The following HIPK2 variants were observed in gnomAD, a reference collection of about 807,000 sequenced individuals.
HIPK2 encodes homeodomain interacting protein kinase 2.
HIPK2 carries 27 observed loss-of-function variants against 113.7 expected under a neutral mutation model. That is an observed-to-expected ratio of 0.24 (90% CI 0.17 to 0.33). HIPK2 has a LOEUF of 0.33. Among genes scored for constraint, HIPK2 ranks in the 10% least tolerant of loss-of-function variants. The probability of loss-of-function intolerance (pLI) is 1.00; values close to 1 mark genes in which losing one functional copy is unlikely to be tolerated. For missense variants in HIPK2, 1,257 were observed against 1,588.0 expected (o/e 0.79, Z 3.54); for synonymous variants, 631 against 642.2 (o/e 0.98, Z 0.26).
Position 139,561,788 on chromosome 7 carries a change from T to A in HIPK2, c.*11139A>T, listed in dbSNP as rs1797956297. 6.8e-6 allele frequency: 1 copy of A among 148,044 alleles called. No individual in the cohort carries two copies. The highest frequency in any genetic ancestry group is 1.5e-5 in the Non-Finnish European group (1 of 67,246). 9.2% of individuals were successfully genotyped at this position (148,044 alleles called of 1,614,324 possible). On this transcript the variant is annotated 3_prime_UTR_variant, in exon 15 of 15. Coordinates refer to ENST00000406875, the MANE Select transcript of HIPK2 (RefSeq NM_022740.5). ...CTTTTTCTCACCCTACAGTTAGTAA[T>A]ATTACAATTAAAATAACTATATTCT...
chr7:139,638,076 C>G (rs1306457751), intron 2 of HIPK2, among the ~76,000 whole-genome samples: 4 of 152,198 alleles, frequency 2.6e-5, no homozygotes, highest in Non-Finnish European at 1.5e-5. Context: ...GCCCAAACCT[C>G]TTATTTTATG....
intron 1 of HIPK2, among the ~76,000 whole-genome samples, chr7:139,763,517 AT>A (rs1796505378): frequency 8.3e-6 from 1 of 119,762 alleles, no homozygotes; most frequent in Non-Finnish European, 1.6e-5. Flanking sequence ...TCGTGTATGT[AT>A]TGTCTGTGCA....
rs144298937 is a variant in HIPK2, at chr7:139,716,747, G to A, written c.288C>T (p.Thr96=). The A allele has an allele frequency of 6.2e-7, 1 of 1,613,950 alleles. No individual in the cohort carries two copies. The highest frequency in any genetic ancestry group is 8.5e-7 in the Non-Finnish European group (1 of 1,179,890). The change falls in exon 2 of 15, where the codon ACC becomes ACT. Residue 96 remains threonine (T), a synonymous_variant. Coordinates refer to ENST00000406875, the MANE Select transcript of HIPK2 (RefSeq NM_022740.5). This position sits in a 1 kb window ranked among gnomAD's most constrained non-coding sequence, Gnocchi z 9.3. The part of the protein sequence containing the change: ...FPGSTGHIVV[T]SASSTSVTGQ... The stretch of plus-strand genomic sequence containing the variant: ...CGGTGACAGAAGTGCTGCTTGCTGA[G>A]GTGACCACGATGTGCCCGGTGCTTC...
chr7:139,677,470 G>A (rs920480573), intron 2 of HIPK2, among the ~76,000 whole-genome samples: 13 of 152,196 alleles, frequency 8.5e-5, no homozygotes, highest in Admixed American at 3.3e-4. Context: ...TCAAGGTGCC[G>A]GCATTTGGTG....
intron 1 of HIPK2, among the ~76,000 whole-genome samples, chr7:139,744,462 G>A (rs1338645423): frequency 2.0e-5 from 3 of 152,138 alleles, no homozygotes; most frequent in Non-Finnish European, 2.9e-5. Context: ...TTTCCTTTTG[G>A]GATGATGGAA....
At chr7:139,578,506 G>A (rs759712152) in intron 13 of HIPK2, among the ~76,000 whole-genome samples, 1 of 152,184 alleles carries the variant, frequency 6.6e-6, no homozygotes, top group Non-Finnish European at 1.5e-5. Flanking sequence ...GAAAAAGGGA[G>A]CGCATTTTAA....
At chr7:139,627,564 T>C (rs1800477454) in intron 5 of HIPK2, among the ~76,000 whole-genome samples, 1 of 152,204 alleles carries the variant, frequency 6.6e-6, no homozygotes, top group Admixed American at 6.5e-5. Flanking sequence ...TGTTTTGTGG[T>C]GATTTCTGTA....
chr7:139,691,136 T>C (rs567783548), intron 2 of HIPK2, among the ~76,000 whole-genome samples: 1 of 152,298 alleles, frequency 6.6e-6, no homozygotes, highest in South Asian at 2.1e-4. Context: ...AAACCTCTTT[T>C]CTTTGGACAA....
chr7:139,726,811 G>A (rs1389677890), intron 1 of HIPK2, among the ~76,000 whole-genome samples: 1 of 152,128 alleles, frequency 6.6e-6, no homozygotes, highest in Admixed American at 6.6e-5. Context: ...CAAAGACAGA[G>A]GGACACAGCC....
At position 139,566,088 on chromosome 7, in the gene HIPK2, G is replaced by A. The variant is rs979421592; in HGVS notation, c.*6839C>T. 1.3e-5 allele frequency: 2 copies of A among 152,194 alleles called. No individual in the cohort carries two copies. Among genetic ancestry groups the A allele is most frequent in the Non-Finnish European group, 1.5e-5 (1 of 68,032 alleles). 9.4% of individuals were successfully genotyped at this position (152,194 alleles called of 1,614,324 possible). ...TATGAATCAAAAGAAACTCTCCAGA[G>A]ATTTTCTCTAAAAATCAAACGAATT... On this transcript the variant is annotated 3_prime_UTR_variant, in exon 15 of 15. Transcript: ENST00000406875. The surrounding 1 kb of genome is among the most constrained non-coding windows in gnomAD (Gnocchi z 4.1).
chr7:139,588,352 CA>C (rs1569446723), intron 12 of HIPK2, among the ~76,000 whole-genome samples: 1 of 147,042 alleles, frequency 6.8e-6, no homozygotes, highest in South Asian at 2.2e-4. Flanking sequence ...AAAAAAAAAA[CA>C]AAAAAACAAA....
intron 1 of HIPK2, among the ~76,000 whole-genome samples, chr7:139,717,636 G>T (rs189891328): frequency 4.2e-4 from 64 of 152,256 alleles, no homozygotes; most frequent in African/African-American, 1.5e-3. Flanking sequence ...TTACTGGTGG[G>T]GACTGGGTAG....
At chr7:139,695,763 G>A (rs1005116956) in intron 2 of HIPK2, among the ~76,000 whole-genome samples, 9 of 152,002 alleles carry the variant, frequency 5.9e-5, no homozygotes, top group African/African-American at 2.2e-4. Flanking sequence ...GAAAACTATG[G>A]AAGAAGCATG....
At chr7:139,736,025 G>C (rs1450144436) in intron 1 of HIPK2, among the ~76,000 whole-genome samples, 3 of 152,194 alleles carry the variant, frequency 2.0e-5, no homozygotes, top group Non-Finnish European at 4.4e-5. Context: ...CAGCGTGGCA[G>C]GTCTTTGGTG....
intron 9 of HIPK2, among the ~76,000 whole-genome samples, chr7:139,605,854 C>T (rs972860986): frequency 6.6e-5 from 10 of 152,192 alleles, no homozygotes; most frequent in South Asian, 2.1e-4. Flanking sequence ...TCACAGAAAG[C>T]GGAAACATAA....
intron 2 of HIPK2, among the ~76,000 whole-genome samples, chr7:139,712,164 G>A (rs887250772): frequency 2.6e-5 from 4 of 152,168 alleles, no homozygotes; most frequent in East Asian, 1.9e-4. Flanking sequence ...CTTCAGACTC[G>A]AGAAAAAAAC....
At chr7:139,674,309 T>C (rs1489786245) in intron 2 of HIPK2, among the ~76,000 whole-genome samples, 1 of 152,200 alleles carries the variant, frequency 6.6e-6, no homozygotes, top group African/African-American at 2.4e-5. Context: ...GTTTGGTTTT[T>C]CAATCTTTTA....
At chr7:139,646,474 T>C (rs1801228576) in intron 2 of HIPK2, among the ~76,000 whole-genome samples, 1 of 141,752 alleles carries the variant, frequency 7.1e-6, no homozygotes, top group Non-Finnish European at 1.5e-5. Context: ...CACTCCAGCC[T>C]GGGTGACAGA....
intron 1 of HIPK2, among the ~76,000 whole-genome samples, chr7:139,772,816 G>C (rs112382988): frequency 6.7e-6 from 1 of 149,076 alleles, no homozygotes; most frequent in African/African-American, 2.5e-5. Context: ...GGTTGGTCTC[G>C]AACTCCTGAT....
Sources: gnomAD v4.1 joint callset for allele counts (sites outside exome capture counted in the v4.1 genomes callset) on GRCh38, gnomAD v4.1.1 for gene constraint, Gnocchi (gnomAD v3.1) non-coding constraint, MANE v1.5 for transcripts, NCBI Gene and HGNC (gene_info 2026-07-23, HGNC 2026-07-21) for gene names.